Variants in LPIN2 observed in about 807,000 individuals in gnomAD.
The protein encoded by LPIN2 is phosphatidate phosphatase LPIN2.
LPIN2 carries 55 observed loss-of-function variants against 111.4 expected under a neutral mutation model. The ratio of observed to expected loss-of-function variants is 0.49; its 90% CI spans 0.40 to 0.62. LPIN2 has a LOEUF of 0.62. LPIN2 is among the 20% of genes least tolerant of loss of function. The pLI is 0.00. For synonymous variants in LPIN2, 425 were observed against 414.0 expected, an observed-to-expected ratio of 1.03 and a Z score of -0.32; for missense variants, 992 against 1,112.1, an observed-to-expected ratio of 0.89 and a Z score of 1.54.
chr18:2,960,560 T>C (rs955736996), intron 2 of LPIN2, 89 bp downstream of exon 2: 3 of 1,309,088 alleles, frequency 2.3e-6, no homozygotes, highest in Non-Finnish European at 1.1e-6. Context: ...GATTTATTCA[T>C]AGAGGATGAC....
At position 2,920,250 on chromosome 18, in the gene LPIN2, T is replaced by A; in HGVS notation, c.*43A>T. 6.2e-7 allele frequency: 1 copy of A among 1,612,834 alleles called. No homozygotes were observed. The highest frequency in any genetic ancestry group is 8.5e-7 in the Non-Finnish European group (1 of 1,179,344). On this transcript the variant is annotated 3_prime_UTR_variant, in exon 20 of 20. Coordinates refer to ENST00000677752, the MANE Select transcript of LPIN2 (RefSeq NM_001375808.2). ...AAGAGCCAGCTGCCTTCCCTTGCTG[T>A]GGGGAGGGGGACCAAGCCCTGCCCA...
chr18:2,954,244 G>C (rs2077577819), intron 3 of LPIN2, among the ~76,000 whole-genome samples: 1 of 152,230 alleles, frequency 6.6e-6, no homozygotes, highest in African/African-American at 2.4e-5. Context: ...GCTAGAAAGT[G>C]ATGTGCCTTC....
In LPIN2 at chr18:3,006,289, T is replaced by C. The variant is rs118168561; in HGVS notation, c.-10+6798A>G. ...AGACTAAGAATGTCAGTGGATAGAC[T>C]AGATATTAAAGACCCCAAAATGCCA... On this transcript the variant is annotated intron_variant, in intron 1 of 19. Transcript: ENST00000677752. Among the ~76,000 whole-genome samples the C allele has an allele frequency of 4.2e-3, 646 of 152,336 alleles. 7 individuals carry two copies. The highest frequency in any genetic ancestry group is 0.014 in the African/African-American group (581 of 41,574).
intron 1 of LPIN2, among the ~76,000 whole-genome samples, chr18:2,997,228 G>A (rs1034361255): frequency 3.9e-5 from 6 of 151,902 alleles, no homozygotes; most frequent in Non-Finnish European, 8.8e-5. Context: ...GTGATCCGCC[G>A]GCCTTGGTGT....
intron 1 of LPIN2, among the ~76,000 whole-genome samples, chr18:2,997,914 C>T (rs2078370196): frequency 6.6e-6 from 1 of 152,224 alleles, no homozygotes; most frequent in Non-Finnish European, 1.5e-5. Context: ...CTACTGTTTC[C>T]TTTGGAAGTG....
intron 3 of LPIN2, 45 bp from the exon 4 acceptor site, chr18:2,951,401 C>A: frequency 1.4e-6 from 2 of 1,480,068 alleles, no homozygotes. Flanking sequence ...ACAAACTCGA[C>A]AGTGAATTAA....
Position 2,920,575 on chromosome 18 carries a change from C to T in LPIN2, c.2547-138G>A, listed in dbSNP as rs982000562. Reference sequence around the variant, plus strand: ...GGCAGGCCTCAGTCCCATCACAGGGCTCAAACTCCCTCTTACAAGTCTAGG... The same window carrying T: ...GGCAGGCCTCAGTCCCATCACAGGGTTCAAACTCCCTCTTACAAGTCTAGG... On this transcript the variant is annotated intron_variant, in intron 19 of 19. Transcript: ENST00000677752. 8 of 932,058 alleles carry T rather than the reference C, an allele frequency of 8.6e-6. No individual in the cohort carries two copies. In the African/African-American group the frequency reaches 1.1e-4, roughly 13 times the overall value. The allele number at this position is 932,058 out of a possible 1,614,324, so 57.7% of individuals were successfully genotyped here.
chr18:2,972,945 G>A (rs1202285221), intron 1 of LPIN2, among the ~76,000 whole-genome samples: 1 of 152,136 alleles, frequency 6.6e-6, no homozygotes, highest in Non-Finnish European at 1.5e-5. Flanking sequence ...CTGTTACAGG[G>A]AACATTTAAC....
intron 4 of LPIN2, 129 bp from the exon 5 acceptor site, chr18:2,940,841 AATATATGAAGGAGAAGGGGGGAT>A (rs2077358153): frequency 5.8e-6 from 4 of 687,518 alleles, no homozygotes; most frequent in Non-Finnish European, 1.1e-5. Flanking sequence ...CTCTCTCTAA[AATATATGAAGGAGAAGGGGGGAT>A]ACACCAATGC....
chr18:2,979,767 T>TGGCG (rs1309656799), intron 1 of LPIN2, among the ~76,000 whole-genome samples: 1 of 152,218 alleles, frequency 6.6e-6, no homozygotes, highest in African/African-American at 2.4e-5. Flanking sequence ...AGTTCATCTG[T>TGGCG]GGCGAGCATG....
At chr18:2,926,826 T>C (rs1598525625) in intron 12 of LPIN2, 21 bp from the exon 13 acceptor site, 1 of 1,602,896 alleles carries the variant, frequency 6.2e-7, no homozygotes, top group Non-Finnish European at 8.5e-7. Context: ...AAGATGATAA[T>C]GGCAACATGC....
chr18:2,921,368 T>C (rs1482854241), intron 18 of LPIN2, 165 bp downstream of exon 18: 8 of 676,654 alleles, frequency 1.2e-5, no homozygotes, highest in Non-Finnish European at 1.9e-5. Context: ...ACCTCCCCAG[T>C]TGCTATAGAT....
chr18:2,926,482 G>A (rs986873783), intron 13 of LPIN2, among the ~76,000 whole-genome samples: 4 of 152,196 alleles, frequency 2.6e-5, no homozygotes, highest in Non-Finnish European at 5.9e-5. Flanking sequence ...CGTTCCTCAC[G>A]GCCCCTTCCC....
chr18:2,979,480 A>G (rs2078073800), intron 1 of LPIN2, among the ~76,000 whole-genome samples: 1 of 152,182 alleles, frequency 6.6e-6, no homozygotes, highest in Admixed American at 6.5e-5. Context: ...AAAAAAATTG[A>G]TTTACATGCA....
chr18:2,954,876 TG>T (rs1329157478), intron 2 of LPIN2, among the ~76,000 whole-genome samples: 1 of 151,534 alleles, frequency 6.6e-6, no homozygotes, highest in African/African-American at 2.4e-5. Context: ...AAATTTAAAA[TG>T]GGGGAAATAT....
intron 8 of LPIN2, 52 bp downstream of exon 8, chr18:2,934,299 A>G: frequency 7.9e-7 from 1 of 1,265,780 alleles, no homozygotes; most frequent in Non-Finnish European, 1.2e-6. Flanking sequence ...TTTACTCTAG[A>G]AATAACTAGA....
rs939822324 is a variant in LPIN2, at chr18:2,918,423, G to A, written c.*1870C>T. ...CTCTCATTCTTCCTCTAAATAGAAGGTAGTCAAGAGGACACACAGATGGCA... is the reference window on the plus strand; with the variant it reads ...CTCTCATTCTTCCTCTAAATAGAAGATAGTCAAGAGGACACACAGATGGCA... On this transcript the variant is annotated 3_prime_UTR_variant, in exon 20 of 20. Coordinates refer to ENST00000677752, the MANE Select transcript of LPIN2 (RefSeq NM_001375808.2). The A allele has an allele frequency of 6.6e-6, 1 of 152,226 alleles. No individual in the cohort carries two copies. Among genetic ancestry groups the A allele is most frequent in the Non-Finnish European group, 1.5e-5 (1 of 68,046 alleles). The allele number at this position is 152,226 out of a possible 1,614,324, so 9.4% of individuals were successfully genotyped here. A position where few individuals can be genotyped will look rare whatever the true frequency, so the allele number is the denominator to read the frequency against.
rs71366618 is a variant in LPIN2, at chr18:2,937,544, T to TAAA, written c.1168+145_1168+147dup. The TAAA allele has an allele frequency of 6.5e-4, 223 of 345,644 alleles. 1 individual carries two copies. The highest frequency in any genetic ancestry group is 3.7e-3 in the African/African-American group (67 of 18,166). 21.4% of individuals were successfully genotyped at this position (345,644 alleles called of 1,614,324 possible). ...TGGGTAACAAGAGCGAAACTCCAGC[T>TAAA]AAAAAAAAAAAAAAAAAAAAAAAAA... On this transcript the variant is annotated intron_variant, in intron 7 of 19. Coordinates refer to ENST00000677752, the MANE Select transcript of LPIN2 (RefSeq NM_001375808.2).
In LPIN2 at chr18:2,925,347, C is replaced by T. The variant is rs143702044; in HGVS notation, c.1815G>A (p.Ser605=). 1.5e-4 allele frequency: 245 copies of T among 1,614,014 alleles called. No individual in the cohort carries two copies. The African/African-American group carries it at 2.2e-3, about 14-fold the overall frequency. Reference sequence around the variant, plus strand: ...CGAGCTCCTGTGATCCCTCGTCACTCGAGGAGTCATTCTCGGCCGGCCTGT... The same window carrying T: ...CGAGCTCCTGTGATCCCTCGTCACTTGAGGAGTCATTCTCGGCCGGCCTGT... ...AGARPAENDS[S]SDEGSQELEE... The change falls in exon 14 of 20, where the codon TCG becomes TCA. Residue 605 remains serine, a synonymous_variant. Coordinates refer to ENST00000677752, the MANE Select transcript of LPIN2 (RefSeq NM_001375808.2). This position sits in a 1 kb window ranked among gnomAD's most constrained non-coding sequence, Gnocchi z 4.1.
Sources: allele counts gnomAD v4.1 joint callset (sites outside exome capture counted in the v4.1 genomes callset), GRCh38; gene constraint gnomAD v4.1.1; non-coding constraint Gnocchi (gnomAD v3.1); transcripts MANE v1.5; gene names NCBI Gene and HGNC (gene_info 2026-07-23, HGNC 2026-07-21).